The following WFDC8 variants were observed in gnomAD, a reference collection of about 807,000 sequenced individuals.
The protein encoded by WFDC8 is WAP four-disulfide core domain 8.
In WFDC8, 24 loss-of-function variants were observed where a neutral mutation model predicts 27.0. The ratio of observed to expected loss-of-function variants is 0.89; its 90% CI spans 0.64 to 1.25. WFDC8 has a LOEUF of 1.25. Ranked by LOEUF, WFDC8 falls within the 50% of genes most tolerant of loss-of-function variation. The probability of loss-of-function intolerance (pLI) is 0.00; values close to 1 mark genes in which losing one functional copy is unlikely to be tolerated. For synonymous variants in WFDC8, 106 were observed against 99.7 expected (o/e 1.06, Z -0.38); for missense variants, 287 against 295.9 (o/e 0.97, Z 0.22).
intron 1 of WFDC8, among the ~76,000 whole-genome samples, chr20:45,571,388 G>T (rs1600898815): frequency 6.6e-6 from 1 of 151,876 alleles, no homozygotes; most frequent in Non-Finnish European, 1.5e-5. Flanking sequence ...ATATTTATGT[G>T]CTACAATTTA....
chr20:45,575,282 A>G (rs1183086727), intron 1 of WFDC8, among the ~76,000 whole-genome samples: 2 of 152,226 alleles, frequency 1.3e-5, no homozygotes, highest in African/African-American at 4.8e-5. Context: ...TAAAGACTCC[A>G]CACCAAAAAA....
At chr20:45,560,946 G>A (rs1310952848) in intron 2 of WFDC8, among the ~76,000 whole-genome samples, 1 of 152,140 alleles carries the variant, frequency 6.6e-6, no homozygotes, top group Non-Finnish European at 1.5e-5. Flanking sequence ...AAGAACCCCA[G>A]GTGGTCCTAA....
intron 2 of WFDC8, among the ~76,000 whole-genome samples, chr20:45,559,275 G>T (rs907363548): frequency 1.3e-5 from 2 of 152,120 alleles, no homozygotes; most frequent in Non-Finnish European, 2.9e-5. Context: ...AAATTCAAAA[G>T]ATTTTCTCTC....
intron 2 of WFDC8, among the ~76,000 whole-genome samples, chr20:45,560,258 C>T (rs1451351610): frequency 6.6e-6 from 1 of 152,144 alleles, no homozygotes; most frequent in Non-Finnish European, 1.5e-5. Context: ...GAAGTGACAG[C>T]CAGTAAAGGA....
chr20:45,553,319 A>G (rs1016692472), intron 4 of WFDC8, 43 bp from the exon 5 acceptor site: 16 of 1,584,790 alleles, frequency 1.0e-5, no homozygotes, highest in Non-Finnish European at 1.3e-5. Flanking sequence ...CCCCACCCCC[A>G]TCCCACCACC....
At chr20:45,572,176 G>A (rs6032338) in intron 1 of WFDC8, among the ~76,000 whole-genome samples, 58,640 of 151,598 alleles carry the variant, frequency 0.39, 11,813 homozygotes, top group Non-Finnish European at 0.43. Context: ...CGAGGCGGGC[G>A]GATCTCATCA....
intron 5 of WFDC8, 26 bp from the exon 6 acceptor site, chr20:45,552,191 G>C (rs747568707): frequency 2.5e-6 from 4 of 1,608,676 alleles, no homozygotes; most frequent in Non-Finnish European, 3.4e-6. Flanking sequence ...GAAAACACTT[G>C]ACCTTGAAAT....
chr20:45,578,288 C>T (rs1488525509), intron 1 of WFDC8, among the ~76,000 whole-genome samples: 3 of 151,356 alleles, frequency 2.0e-5, no homozygotes, highest in African/African-American at 7.3e-5. Flanking sequence ...TTCACAGTGA[C>T]TTTACAGAAC....
chr20:45,553,872 G>C (rs1980139761), intron 4 of WFDC8, among the ~76,000 whole-genome samples: 1 of 152,158 alleles, frequency 6.6e-6, no homozygotes, highest in Admixed American at 6.5e-5. Context: ...CTTAATGGAT[G>C]TTAATTGATA....
chr20:45,555,929 T>C, intron 3 of WFDC8, 61 bp from the exon 4 acceptor site: 1 of 1,523,924 alleles, frequency 6.6e-7, no homozygotes, highest in Non-Finnish European at 9.0e-7. Context: ...ACAGGGTCAG[T>C]TCCCTAGCAT....
intron 1 of WFDC8, among the ~76,000 whole-genome samples, chr20:45,577,615 G>T (rs1981089196): frequency 6.7e-6 from 1 of 149,348 alleles, no homozygotes; most frequent in African/African-American, 2.4e-5. Flanking sequence ...GGCCAGGATG[G>T]TCTCAATCTC....
At chr20:45,565,224 G>C (rs1600894400) in intron 1 of WFDC8, among the ~76,000 whole-genome samples, 1 of 152,132 alleles carries the variant, frequency 6.6e-6, no homozygotes, top group South Asian at 2.1e-4. Context: ...TCAAATCACT[G>C]TGTCAACTTG....
chr20:45,565,916 A>T (rs6104224), intron 1 of WFDC8, among the ~76,000 whole-genome samples: 54,198 of 147,862 alleles, frequency 0.37, 10,293 homozygotes, highest in Non-Finnish European at 0.42. Context: ...TTTAAAAAAT[A>T]TATTTAAAGT....
At chr20:45,578,331 A>T (rs1233751869) in intron 1 of WFDC8, among the ~76,000 whole-genome samples, 1 of 151,362 alleles carries the variant, frequency 6.6e-6, no homozygotes, top group Non-Finnish European at 1.5e-5. Flanking sequence ...AATCAACTGT[A>T]TTTTTATTAC....
At chr20:45,552,905 G>A (rs922461987) in intron 5 of WFDC8, among the ~76,000 whole-genome samples, 17 of 152,122 alleles carry the variant, frequency 1.1e-4, no homozygotes, top group Admixed American at 2.6e-4. Context: ...AGTTTTCTTG[G>A]GGAAGAATAG....
intron 1 of WFDC8, among the ~76,000 whole-genome samples, chr20:45,564,591 G>A (rs988023416): frequency 1.2e-4 from 18 of 151,530 alleles, no homozygotes; most frequent in Admixed American, 5.3e-4. Context: ...GGACAATGGC[G>A]TGAACCCGGG....
At chr20:45,551,323 A>G (rs1031062100), downstream of WFDC8, 1 of 152,176 alleles carries the variant, frequency 6.6e-6, no homozygotes, top group Non-Finnish European at 1.5e-5. Flanking sequence ...TGGATAGGAA[A>G]TAGGCTTAAA....
chr20:45,572,730 C>A (rs1167796176), intron 1 of WFDC8, among the ~76,000 whole-genome samples: 2 of 152,166 alleles, frequency 1.3e-5, no homozygotes, highest in Non-Finnish European at 2.9e-5. Flanking sequence ...CCTCAGCCTC[C>A]CGAGTAGCTG....
intron 1 of WFDC8, chr20:45,568,377 A>G: frequency 7.8e-6 from 2 of 256,266 alleles, no homozygotes; most frequent in Non-Finnish European, 1.6e-5. Flanking sequence ...TTCTTCTAGC[A>G]CTCTCCTCAT....
Sources: gnomAD v4.1 joint callset for allele counts (sites outside exome capture counted in the v4.1 genomes callset) on GRCh38, gnomAD v4.1.1 for gene constraint, MANE v1.5 for transcripts, NCBI Gene and HGNC (gene_info 2026-07-23, HGNC 2026-07-21) for gene names.